MGLL: variants seen among roughly 807,000 people sequenced by gnomAD.
MGLL encodes monoglyceride lipase, also known as lysophospholipase homolog.
MGLL carries 7 observed loss-of-function variants against 29.1 expected under a neutral mutation model. The observed-to-expected ratio is 0.24, with a 90% CI of 0.14 to 0.45. The LOEUF (loss-of-function observed/expected upper bound fraction) is 0.45. Ranked by LOEUF, MGLL falls within the 20% of genes least tolerant of loss-of-function variation. MGLL has a pLI of 0.99. For synonymous variants in MGLL, 148 were observed against 168.3 expected (o/e 0.88, Z 0.93); for missense variants, 356 against 413.6 (o/e 0.86, Z 1.21).
chr3:127,723,705 C>G (rs975853655), intron 3 of MGLL, among the ~76,000 whole-genome samples: 1 of 152,170 alleles, frequency 6.6e-6, no homozygotes, highest in African/African-American at 2.4e-5. Context: ...TAACATAAAT[C>G]GTACTGTTTG....
intron 3 of MGLL, among the ~76,000 whole-genome samples, chr3:127,726,842 A>G (rs1280415264): frequency 6.6e-6 from 1 of 152,178 alleles, no homozygotes; most frequent in African/African-American, 2.4e-5. Context: ...CACCCTAAAC[A>G]CTTCAGCATG....
chr3:127,693,751 G>T (rs542502458), intron 7 of MGLL, among the ~76,000 whole-genome samples: 1 of 152,218 alleles, frequency 6.6e-6, no homozygotes, highest in African/African-American at 2.4e-5. Flanking sequence ...CAGGTTCCGG[G>T]GGGGCAGGGC....
intron 3 of MGLL, among the ~76,000 whole-genome samples, chr3:127,739,018 G>A (rs774861574): frequency 2.0e-5 from 3 of 152,200 alleles, no homozygotes; most frequent in Non-Finnish European, 4.4e-5. Flanking sequence ...TTCAATTCAG[G>A]AGGCACCAGG....
Position 127,690,662 on chromosome 3 carries a change from G to A in MGLL, c.*1536C>T, listed in dbSNP as rs1332102260. 1 of 152,754 alleles carries A rather than the reference G, an allele frequency of 6.5e-6. No individual in the cohort carries two copies. The highest frequency in any genetic ancestry group is 1.5e-5 in the Non-Finnish European group (1 of 68,094). 9.5% of individuals were successfully genotyped at this position (152,754 alleles called of 1,614,324 possible). ...AACCCCTACATTGCACCTTCTGCAGGGCTTCAACGGTGGCAAAGCCCTGAC... is the reference window on the plus strand; with the variant it reads ...AACCCCTACATTGCACCTTCTGCAGAGCTTCAACGGTGGCAAAGCCCTGAC... On this transcript the variant is annotated 3_prime_UTR_variant, in exon 8 of 8. Transcript: ENST00000265052.
chr3:127,713,699 C>T (rs2075762668), intron 5 of MGLL: 1 of 152,284 alleles, frequency 6.6e-6, no homozygotes, highest in South Asian at 2.1e-4. Flanking sequence ...CTGCAGGGAC[C>T]TGGGCCTGGA....
rs772562341 is a variant in MGLL, at chr3:127,821,837, T to C, written c.12A>G (p.Gly4=). The change falls in exon 2 of 8, where the codon GGA becomes GGG. Residue 4 remains glycine, a splice_region_variant and synonymous_variant. Transcript: ENST00000265052. MET[G]PEDPSSMPEE... ...CTGGCATGCTGGAAGGGTCTTCAGGTCCTAGAAGGAAAAGTGACATATTCC... is the reference window on the plus strand; with the variant it reads ...CTGGCATGCTGGAAGGGTCTTCAGGCCCTAGAAGGAAAAGTGACATATTCC... 1 of 1,613,218 alleles carries C rather than the reference T, an allele frequency of 6.2e-7. No homozygotes were observed. Among genetic ancestry groups the C allele is most frequent in the South Asian group, 1.1e-5 (1 of 91,030 alleles).
At chr3:127,787,350 G>A (rs77767772) in intron 2 of MGLL, among the ~76,000 whole-genome samples, 1 of 152,190 alleles carries the variant, frequency 6.6e-6, no homozygotes, top group African/African-American at 2.4e-5. Flanking sequence ...CCACAGAGTG[G>A]AGATGACAGT....
chr3:127,801,039 C>T (rs1465510262), intron 2 of MGLL, among the ~76,000 whole-genome samples: 7 of 151,702 alleles, frequency 4.6e-5, no homozygotes, highest in Middle Eastern at 3.4e-3. Context: ...CGGTGGCTCA[C>T]GCCTGTAATC....
intron 2 of MGLL, chr3:127,791,086 T>C (rs2077292404): frequency 6.6e-6 from 1 of 152,202 alleles, no homozygotes; most frequent in African/African-American, 2.4e-5. Context: ...CGGCCCAGCG[T>C]CTGAGGAGGC....
Position 127,732,854 on chromosome 3 carries a change from A to G in MGLL, c.263-10288T>C, listed in dbSNP as rs115838301. 4.1e-3 allele frequency among the ~76,000 whole-genome samples: 618 copies of G among 152,316 alleles called. 8 individuals are homozygous for G. The highest frequency in any genetic ancestry group is 0.014 in the African/African-American group (602 of 41,570). ...TCATGTCTATGAGGCCACCGAGTGC[A>G]CTGACGGACACCATGACTGGGTCTC... On this transcript the variant is annotated intron_variant, in intron 3 of 7. Transcript: ENST00000265052.
chr3:127,771,284 A>G (rs1279023098), intron 3 of MGLL, among the ~76,000 whole-genome samples: 1 of 152,144 alleles, frequency 6.6e-6, no homozygotes, highest in African/African-American at 2.4e-5. Context: ...CCCAGCGACC[A>G]TCCTCCCTCT....
chr3:127,742,433 T>C (rs2076358733), intron 3 of MGLL, among the ~76,000 whole-genome samples: 1 of 151,644 alleles, frequency 6.6e-6, no homozygotes, highest in Admixed American at 6.6e-5. Context: ...CTACTAAAAA[T>C]ACAAAAATGA....
At chr3:127,716,359 G>C (rs1375592392) in intron 5 of MGLL, among the ~76,000 whole-genome samples, 2 of 152,172 alleles carry the variant, frequency 1.3e-5, no homozygotes, top group African/African-American at 4.8e-5. Context: ...CTCTGCAGCA[G>C]GTCCCTAACT....
chr3:127,703,436 C>T (rs1040399118), intron 6 of MGLL, among the ~76,000 whole-genome samples: 1 of 152,176 alleles, frequency 6.6e-6, no homozygotes, highest in Non-Finnish European at 1.5e-5. Flanking sequence ...TGGATTAGAT[C>T]GAGGACAACA....
At chr3:127,697,013 A>G (rs1229108603) in intron 6 of MGLL, among the ~76,000 whole-genome samples, 1 of 152,236 alleles carries the variant, frequency 6.6e-6, no homozygotes, top group Non-Finnish European at 1.5e-5. Flanking sequence ...ATTCCTTCCC[A>G]TGCTGGGGAC....
intron 6 of MGLL, among the ~76,000 whole-genome samples, chr3:127,703,175 T>A (rs1952859994): frequency 6.6e-6 from 1 of 152,220 alleles, no homozygotes; most frequent in South Asian, 2.1e-4. Flanking sequence ...AACCTCTTTC[T>A]GTCCTTTGGA....
intron 2 of MGLL, among the ~76,000 whole-genome samples, chr3:127,818,939 T>A (rs1041029713): frequency 6.6e-6 from 1 of 152,220 alleles, no homozygotes; most frequent in Non-Finnish European, 1.5e-5. Flanking sequence ...GTATAAGATT[T>A]GTTATTACCG....
chr3:127,760,872 G>C (rs2076751695), intron 3 of MGLL, among the ~76,000 whole-genome samples: 3 of 152,238 alleles, frequency 2.0e-5, no homozygotes, highest in Admixed American at 6.5e-5. Context: ...CCTCCATAGG[G>C]ACGTTGCCTG....
At chr3:127,725,012 C>T (rs1426848593) in intron 3 of MGLL, among the ~76,000 whole-genome samples, 1 of 152,112 alleles carries the variant, frequency 6.6e-6, no homozygotes, top group Non-Finnish European at 1.5e-5. Context: ...ATCCACAGCC[C>T]CCAAGCTGCC....
Sources: allele counts gnomAD v4.1 joint callset (sites outside exome capture counted in the v4.1 genomes callset), GRCh38; gene constraint gnomAD v4.1.1; transcripts MANE v1.5; gene names NCBI Gene and HGNC (gene_info 2026-07-23, HGNC 2026-07-21).